The following GNAO1 variants were observed in gnomAD, a reference collection of about 807,000 sequenced individuals.
GNAO1 encodes the protein G protein subunit alpha o1, also known as guanine nucleotide-binding protein G(o) subunit alpha.
For missense variants in GNAO1, 166 were observed against 478.7 expected (o/e 0.35, Z 6.10); for synonymous variants, 164 against 180.7 (o/e 0.91, Z 0.74).
chr16:56,216,855 A>G (rs1209918239), intron 2 of GNAO1, among the ~76,000 whole-genome samples: 1 of 152,246 alleles, frequency 6.6e-6, no homozygotes, highest in Non-Finnish European at 1.5e-5. Flanking sequence ...GTGGGACCTC[A>G]GCCAAGTGCT....
chr16:56,271,310 T>G (rs972333724), intron 2 of GNAO1, among the ~76,000 whole-genome samples: 1 of 152,190 alleles, frequency 6.6e-6, no homozygotes. Context: ...CCTAGAATTG[T>G]TTTGAAGGTT....
chr16:56,216,362 C>T (rs1209955016), intron 2 of GNAO1, among the ~76,000 whole-genome samples: 3 of 152,148 alleles, frequency 2.0e-5, no homozygotes, highest in Admixed American at 6.5e-5. Flanking sequence ...GCCACTCAGC[C>T]GGGGGAGGTA....
intron 2 of GNAO1, among the ~76,000 whole-genome samples, chr16:56,195,074 C>A (rs1180763501): frequency 2.1e-5 from 2 of 93,594 alleles, no homozygotes; most frequent in South Asian, 3.8e-4. Flanking sequence ...TTTACTTCTC[C>A]TTTTTTTTTT....
At chr16:56,198,255 C>G (rs1370799958) in intron 2 of GNAO1, among the ~76,000 whole-genome samples, 2 of 152,206 alleles carry the variant, frequency 1.3e-5, no homozygotes, top group Non-Finnish European at 2.9e-5. Context: ...CTTGAAGATG[C>G]TCAAATGAAC....
At position 56,240,187 on chromosome 16, in the gene GNAO1, C is replaced by T. The variant is rs528603352; in HGVS notation, c.162-35744C>T. ...TGTCTGAAAGCCACCTCAGCAGCCTCCAGGGAAGTGTCCTCTCATTGGTCT... is the reference window on the plus strand; with the variant it reads ...TGTCTGAAAGCCACCTCAGCAGCCTTCAGGGAAGTGTCCTCTCATTGGTCT... On this transcript the variant is annotated intron_variant, in intron 2 of 8. Coordinates refer to ENST00000262493, the MANE Select transcript of GNAO1 (RefSeq NM_020988.3). Among the ~76,000 whole-genome samples the T allele has an allele frequency of 2.0e-5, 3 of 152,226 alleles. No homozygotes were observed. The East Asian group carries it at 5.8e-4, about 29-fold the overall frequency.
At chr16:56,271,252 C>T (rs185832276) in intron 2 of GNAO1, 1 of 152,368 alleles carries the variant, frequency 6.6e-6, no homozygotes, top group East Asian at 1.9e-4. Context: ...GTGGCCTAAC[C>T]TATCTGAGCC....
At chr16:56,347,438 C>G in intron 6 of GNAO1, 2 of 985,640 alleles carry the variant, frequency 2.0e-6, no homozygotes, top group East Asian at 1.1e-4. Context: ...TAGGGCTCCC[C>G]ATCTCCCACC....
At chr16:56,318,291 C>A (rs1466816477) in intron 3 of GNAO1, among the ~76,000 whole-genome samples, 3 of 152,208 alleles carry the variant, frequency 2.0e-5, no homozygotes, top group Non-Finnish European at 4.4e-5. Context: ...TACTAAGTAC[C>A]CAGAATTCTT....
chr16:56,243,538 A>G (rs1469154637), intron 2 of GNAO1, among the ~76,000 whole-genome samples: 1 of 152,280 alleles, frequency 6.6e-6, no homozygotes, highest in African/African-American at 2.4e-5. Context: ...CAAAGACAAT[A>G]TACAAATGAC....
intron 3 of GNAO1, among the ~76,000 whole-genome samples, chr16:56,292,851 G>C (rs1229072206): frequency 6.6e-6 from 1 of 152,200 alleles, no homozygotes; most frequent in Non-Finnish European, 1.5e-5. Context: ...GAAGTTTCTT[G>C]ACACTCTGGA....
chr16:56,253,179 A>G (rs2036815514), intron 2 of GNAO1, among the ~76,000 whole-genome samples: 1 of 152,110 alleles, frequency 6.6e-6, no homozygotes, highest in African/African-American at 2.4e-5. Context: ...CTCTGCCTAA[A>G]AGACTCCCCA....
chr16:56,219,977 C>A (rs140649885), intron 2 of GNAO1, among the ~76,000 whole-genome samples: 361 of 152,270 alleles, frequency 2.4e-3, no homozygotes, highest in African/African-American at 8.4e-3. Flanking sequence ...AATTAGGAAT[C>A]TTGTTTTTAA....
chr16:56,341,007 C>T (rs199512575), intron 6 of GNAO1: 79 of 1,606,336 alleles, frequency 4.9e-5, no homozygotes, highest in Non-Finnish European at 6.3e-5. Context: ...CCTCCAGGGA[C>T]AGCAGGCCCC....
chr16:56,267,589 C>T (rs963193235), intron 2 of GNAO1, among the ~76,000 whole-genome samples: 1 of 152,094 alleles, frequency 6.6e-6, no homozygotes, highest in South Asian at 2.1e-4. Flanking sequence ...GCACCTGCTC[C>T]GTGGTCACTG....
chr16:56,295,358 A>G (rs2037276342), intron 3 of GNAO1, among the ~76,000 whole-genome samples: 1 of 152,042 alleles, frequency 6.6e-6, no homozygotes, highest in Non-Finnish European at 1.5e-5. Context: ...TCTGGTGTGT[A>G]ATATGAGGAT....
chr16:56,316,978 C>A (rs2037517548), intron 3 of GNAO1, among the ~76,000 whole-genome samples: 3 of 152,184 alleles, frequency 2.0e-5, no homozygotes, highest in South Asian at 4.1e-4. Flanking sequence ...AGGACTTGGG[C>A]CACAGTCGCC....
At chr16:56,292,821 G>A (rs2037245573) in intron 3 of GNAO1, among the ~76,000 whole-genome samples, 1 of 152,238 alleles carries the variant, frequency 6.6e-6, no homozygotes, top group African/African-American at 2.4e-5. Flanking sequence ...CTAGGTATAA[G>A]CCCTAGTATG....
intron 3 of GNAO1, among the ~76,000 whole-genome samples, chr16:56,300,404 G>A (rs1044535759): frequency 1.3e-5 from 2 of 152,178 alleles, no homozygotes; most frequent in Admixed American, 6.5e-5. Context: ...AGCTCACCAC[G>A]GCCAACTGTG....
chr16:56,228,380 CGTGAGTGTGTGTGTGTATATAT>C (rs1460415875), intron 2 of GNAO1, among the ~76,000 whole-genome samples: 10 of 148,336 alleles, frequency 6.7e-5, no homozygotes, highest in South Asian at 2.2e-4. Context: ...TGTGTATATA[CGTGAGTGTGTGTGTGTATATAT>C]GTGAGTGTGT....
Sources: gnomAD v4.1 joint callset for allele counts (sites outside exome capture counted in the v4.1 genomes callset) on GRCh38, gnomAD v4.1.1 for gene constraint, MANE v1.5 for transcripts, NCBI Gene and HGNC (gene_info 2026-07-23, HGNC 2026-07-21) for gene names.